The following ULK4 variants were observed in gnomAD, a reference collection of about 807,000 sequenced individuals.
ULK4 encodes unc-51 like kinase 4, also known as inactive serine/threonine-protein kinase ULK4.
In ULK4, 133 loss-of-function variants were observed where a neutral mutation model predicts 160.6. That is an observed-to-expected ratio of 0.83 (90% CI 0.72 to 0.96). The LOEUF is 0.96. ULK4 is among the 40% of genes least tolerant of loss of function. ULK4 has a pLI of 0.00. For synonymous variants in ULK4, 534 were observed against 539.8 expected, an observed-to-expected ratio of 0.99 and a Z score of 0.15; for missense variants, 1,580 against 1,499.5, an observed-to-expected ratio of 1.05 and a Z score of -0.89.
intron 19 of ULK4, among the ~76,000 whole-genome samples, chr3:41,801,034 C>T (rs984551247): frequency 6.6e-6 from 1 of 152,092 alleles, no homozygotes; most frequent in Non-Finnish European, 1.5e-5. Flanking sequence ...ATAATTCAAT[C>T]GCTAGAAATG....
At chr3:41,938,928 T>A (rs1238146480) in intron 2 of ULK4, among the ~76,000 whole-genome samples, 2 of 152,068 alleles carry the variant, frequency 1.3e-5, no homozygotes, top group Non-Finnish European at 2.9e-5. Flanking sequence ...AGGGTAAAAA[T>A]TTTCTGCTAA....
intron 34 of ULK4, among the ~76,000 whole-genome samples, chr3:41,398,924 T>C (rs1377058981): frequency 6.6e-6 from 1 of 152,142 alleles, no homozygotes; most frequent in Non-Finnish European, 1.5e-5. Flanking sequence ...ACCTCATACA[T>C]ATATCCTTTG....
At chr3:41,563,686 C>G (rs753460028) in intron 32 of ULK4, among the ~76,000 whole-genome samples, 1 of 152,136 alleles carries the variant, frequency 6.6e-6, no homozygotes, top group Non-Finnish European at 1.5e-5. Flanking sequence ...ACGAAGTTCT[C>G]GTGCCATGGT....
At chr3:41,871,843 C>A (rs1178992955) in intron 17 of ULK4, among the ~76,000 whole-genome samples, 1 of 151,980 alleles carries the variant, frequency 6.6e-6, no homozygotes, top group Non-Finnish European at 1.5e-5. Flanking sequence ...TGATGAAGTC[C>A]AATTTATTAA....
chr3:41,715,585 A>C lies in ULK4; in HGVS notation c.2456-17T>G. ...GAATGTCACCTGTGAAGCACAGCCCAGAGCATATGTGGAGGTTAAAAACCA... is the reference window on the plus strand; with the variant it reads ...GAATGTCACCTGTGAAGCACAGCCCCGAGCATATGTGGAGGTTAAAAACCA... On this transcript the variant is annotated splice_polypyrimidine_tract_variant and intron_variant, in intron 23 of 36. Coordinates refer to ENST00000301831, the MANE Select transcript of ULK4 (RefSeq NM_017886.4). 1 of 1,614,016 alleles carries C rather than the reference A, an allele frequency of 6.2e-7. No homozygotes were observed. The highest frequency in any genetic ancestry group is 8.5e-7 in the Non-Finnish European group (1 of 1,179,984).
intron 36 of ULK4, among the ~76,000 whole-genome samples, chr3:41,247,919 G>A (rs1367506615): frequency 6.6e-6 from 1 of 152,238 alleles, no homozygotes; most frequent in East Asian, 1.9e-4. Flanking sequence ...TCTGAACAAA[G>A]TCCAAACGAG....
chr3:41,907,858 G>A lies in ULK4; in HGVS notation c.1169C>T (p.Ser390Phe). 1 of 1,589,268 alleles carries A rather than the reference G, an allele frequency of 6.3e-7. No individual in the cohort carries two copies. Among genetic ancestry groups the A allele is most frequent in the Non-Finnish European group, 8.6e-7 (1 of 1,169,464 alleles). ...AAGTCTGCTCACCTTGGTCAGAGGA[G>A]AAGTCTTCTGTGGTGAACAGTGAGT... ...DMTHCSPQKT[S>F]PLTKITSGHL... Residue 390 changes from serine to phenylalanine, a missense_variant, in exon 12 of 37, where the codon TCT becomes TTT. Coordinates refer to ENST00000301831, the MANE Select transcript of ULK4 (RefSeq NM_017886.4).
intron 21 of ULK4, among the ~76,000 whole-genome samples, chr3:41,764,585 TAAAAG>T (rs1476367953): frequency 6.6e-6 from 1 of 151,952 alleles, no homozygotes; most frequent in Non-Finnish European, 1.5e-5. Context: ...ACAAAAAACT[TAAAAG>T]AGAAATGTAG....
chr3:41,627,572 T>C (rs1447565609), intron 30 of ULK4, among the ~76,000 whole-genome samples: 2 of 152,348 alleles, frequency 1.3e-5, no homozygotes, highest in South Asian at 4.1e-4. Flanking sequence ...CATGCAGTTC[T>C]TACTTAGATA....
At chr3:41,263,316 GTGTT>G (rs1242761655) in intron 35 of ULK4, among the ~76,000 whole-genome samples, 1 of 152,184 alleles carries the variant, frequency 6.6e-6, no homozygotes, top group African/African-American at 2.4e-5. Context: ...TGTGTTGAGA[GTGTT>G]TGTGTGATAG....
chr3:41,801,646 T>G lies in ULK4; in HGVS notation c.1849-1353A>C, dbSNP rs188836131. ...GGGAGAATCAGTTGAGGCCAGGAGT[T>G]CAAGACCAGCATGGGCAACATAGCA... is the stretch of plus-strand genomic sequence containing the variant. On this transcript the variant is annotated intron_variant, in intron 19 of 36. Coordinates refer to ENST00000301831, the MANE Select transcript of ULK4 (RefSeq NM_017886.4). Among the ~76,000 whole-genome samples, 380 of 151,990 alleles carry G rather than the reference T, an allele frequency of 2.5e-3. 4 individuals are homozygous for G. The highest frequency in any genetic ancestry group is 0.02 in the Admixed American group (312 of 15,258).
chr3:41,290,334 A>C (rs2079537077), intron 35 of ULK4, among the ~76,000 whole-genome samples: 1 of 152,252 alleles, frequency 6.6e-6, no homozygotes, highest in South Asian at 2.1e-4. Flanking sequence ...TCATGCAACA[A>C]GTAGATGCAG....
intron 12 of ULK4, among the ~76,000 whole-genome samples, chr3:41,903,507 C>T (rs1389961469): frequency 6.6e-6 from 1 of 151,574 alleles, no homozygotes; most frequent in African/African-American, 2.4e-5. Flanking sequence ...ATCACTTGAA[C>T]CCGGGAGGCA....
chr3:41,416,907 G>C (rs1484250967), intron 34 of ULK4, among the ~76,000 whole-genome samples: 1 of 152,200 alleles, frequency 6.6e-6, no homozygotes, highest in African/African-American at 2.4e-5. Context: ...TCATGAAGGA[G>C]AGTCGGGGGT....
chr3:41,812,388 G>A (rs760341878), intron 19 of ULK4, among the ~76,000 whole-genome samples: 3 of 152,148 alleles, frequency 2.0e-5, no homozygotes, highest in Non-Finnish European at 4.4e-5. Context: ...TGGAAAGAGG[G>A]AAGTATTTAG....
At chr3:41,387,569 T>C (rs2081847381) in intron 35 of ULK4, among the ~76,000 whole-genome samples, 1 of 152,148 alleles carries the variant, frequency 6.6e-6, no homozygotes, top group South Asian at 2.1e-4. Flanking sequence ...TTCCCCTTCC[T>C]GTGTCCATGT....
At chr3:41,572,166 A>C (rs1389124192) in intron 31 of ULK4, among the ~76,000 whole-genome samples, 1 of 152,206 alleles carries the variant, frequency 6.6e-6, no homozygotes, top group Non-Finnish European at 1.5e-5. Flanking sequence ...GATTTGGTCT[A>C]TGGGATGGCA....
intron 32 of ULK4, among the ~76,000 whole-genome samples, chr3:41,561,485 A>G (rs2087567547): frequency 6.6e-6 from 1 of 152,164 alleles, no homozygotes; most frequent in South Asian, 2.1e-4. Flanking sequence ...CTGTGAATTC[A>G]TCTTGTCCTG....
At chr3:41,958,786 G>A (rs1341866615) in intron 1 of ULK4, among the ~76,000 whole-genome samples, 1 of 151,850 alleles carries the variant, frequency 6.6e-6, no homozygotes, top group East Asian at 1.9e-4. Flanking sequence ...GGAGAGGAAA[G>A]CTTTTTTCTA....
Sources: gnomAD v4.1 joint callset for allele counts (sites outside exome capture counted in the v4.1 genomes callset) on GRCh38, gnomAD v4.1.1 for gene constraint, MANE v1.5 for transcripts, NCBI Gene and HGNC (gene_info 2026-07-23, HGNC 2026-07-21) for gene names.